Variants in SLC14A2 observed in about 807,000 individuals in gnomAD.
SLC14A2 encodes solute carrier family 14 member 2.
SLC14A2 carries 91 observed loss-of-function variants against 104.6 expected under a neutral mutation model. That is an observed-to-expected ratio of 0.87 (90% confidence interval 0.73 to 1.04). The LOEUF is 1.04. Among genes scored for constraint, SLC14A2 ranks in the 50% least tolerant of loss-of-function variants. SLC14A2 has a pLI of 0.00. For synonymous variants in SLC14A2, 476 were observed against 466.4 expected (o/e 1.02, Z -0.27); for missense variants, 1,189 against 1,156.0 (o/e 1.03, Z -0.41).
chr18:45,360,131 T>C (rs1193613716), intron 1 of SLC14A2, among the ~76,000 whole-genome samples: 1 of 152,146 alleles, frequency 6.6e-6, no homozygotes, highest in African/African-American at 2.4e-5. Context: ...CTCTGATTGG[T>C]TTTTTATTTC....
At chr18:45,574,016 T>C (rs2044385257) in intron 2 of SLC14A2, among the ~76,000 whole-genome samples, 1 of 152,216 alleles carries the variant, frequency 6.6e-6, no homozygotes. Flanking sequence ...ACAGTGTCAA[T>C]TACTAGTCAT....
chr18:45,505,004 C>T (rs1451105958), intron 2 of SLC14A2, among the ~76,000 whole-genome samples: 1 of 152,122 alleles, frequency 6.6e-6, no homozygotes, highest in Non-Finnish European at 1.5e-5. Flanking sequence ...TCATTGCTGC[C>T]TTTGTTGGTT....
chr18:45,231,073 C>T (rs559153331), intron 1 of SLC14A2, among the ~76,000 whole-genome samples: 1 of 152,158 alleles, frequency 6.6e-6, no homozygotes, highest in Non-Finnish European at 1.5e-5. Flanking sequence ...AATAGAAGGG[C>T]ATTACTATCC....
At chr18:45,597,618 T>C (rs1261213113) in intron 2 of SLC14A2, among the ~76,000 whole-genome samples, 3 of 152,124 alleles carry the variant, frequency 2.0e-5, no homozygotes, top group African/African-American at 7.2e-5. Context: ...CAGTAGGACA[T>C]GGAAGGACTT....
intron 2 of SLC14A2, among the ~76,000 whole-genome samples, chr18:45,520,676 G>A (rs2043504936): frequency 6.6e-6 from 1 of 152,132 alleles, no homozygotes; most frequent in Non-Finnish European, 1.5e-5. Flanking sequence ...TGGTGTCCTG[G>A]AAAGAGCATG....
At chr18:45,625,461 G>A (rs2144505240) in intron 2 of SLC14A2, among the ~76,000 whole-genome samples, 1 of 152,298 alleles carries the variant, frequency 6.6e-6, no homozygotes, top group African/African-American at 2.4e-5. Flanking sequence ...GAGATCCATG[G>A]CACAAAGGTG....
chr18:45,377,827 C>G (rs2085791328), intron 1 of SLC14A2, among the ~76,000 whole-genome samples: 1 of 152,102 alleles, frequency 6.6e-6, no homozygotes, highest in Admixed American at 6.6e-5. Context: ...TAAAATGAAC[C>G]CTTGGTCTGG....
chr18:45,590,454 T>TCAAA (rs2044632391), intron 2 of SLC14A2, among the ~76,000 whole-genome samples: 1 of 152,344 alleles, frequency 6.6e-6, no homozygotes, highest in South Asian at 2.1e-4. Context: ...ATGTTTATTT[T>TCAAA]CAAACAGAAC....
intron 2 of SLC14A2, among the ~76,000 whole-genome samples, chr18:45,569,047 C>T (rs2044308287): frequency 6.6e-6 from 1 of 152,166 alleles, no homozygotes; most frequent in Non-Finnish European, 1.5e-5. Flanking sequence ...GCCCACCTCT[C>T]CCATTTCTCC....
At chr18:45,207,593 C>T in the SLC14A2 span, among the ~76,000 whole-genome samples, 1 of 152,098 alleles carries the variant, frequency 6.6e-6, no homozygotes, top group Non-Finnish European at 1.5e-5. Flanking sequence ...AGTCATAATA[C>T]TTAACTGGGT....
At chr18:45,416,609 G>GTTGTTA (rs2086280692) in intron 1 of SLC14A2, among the ~76,000 whole-genome samples, 1 of 152,034 alleles carries the variant, frequency 6.6e-6, no homozygotes, top group Non-Finnish European at 1.5e-5. Context: ...TATGATCATT[G>GTTGTTA]TTGTTATTGT....
chr18:45,258,893 C>T (rs2084507012), intron 1 of SLC14A2, among the ~76,000 whole-genome samples: 1 of 152,206 alleles, frequency 6.6e-6, no homozygotes, highest in African/African-American at 2.4e-5. Flanking sequence ...AATGTAGTTT[C>T]TTCAAATCCA....
chr18:45,528,015 G>C (rs1214198430), intron 2 of SLC14A2: 2 of 152,090 alleles, frequency 1.3e-5, no homozygotes, highest in African/African-American at 4.8e-5. Context: ...TGCCCATAGG[G>C]CCACCATTAG....
chr18:45,243,345 C>T lies in SLC14A2; in HGVS notation c.-125+30154C>T, dbSNP rs2084336481. Reference sequence around the variant, plus strand: ...TAACAATAGTCTTCTCAGCCATTTTCATGACCATTTTACAGATAAAGAAGC... The same window carrying T: ...TAACAATAGTCTTCTCAGCCATTTTTATGACCATTTTACAGATAAAGAAGC... On this transcript the variant is annotated intron_variant, in intron 1 of 20. Transcript: ENST00000586448. 2.0e-5 allele frequency among the ~76,000 whole-genome samples: 3 copies of T among 152,180 alleles called. 1 individual carries two copies. The highest frequency in any genetic ancestry group is 2.0e-4 in the Admixed American group (3 of 15,280).
chr18:45,558,592 T>A (rs768901891), intron 2 of SLC14A2, among the ~76,000 whole-genome samples: 3 of 152,180 alleles, frequency 2.0e-5, no homozygotes, highest in African/African-American at 7.2e-5. Context: ...GAAATAATCA[T>A]GAGTTTTAGT....
In SLC14A2 at chr18:45,650,382, T is replaced by C. The variant is rs535888882; in HGVS notation, c.1351+6222T>C. Among the ~76,000 whole-genome samples, 6 of 152,256 alleles carry C rather than the reference T, an allele frequency of 3.9e-5. No individual in the cohort carries two copies. The South Asian group carries it at 1.2e-3, about 32-fold the overall frequency. On this transcript the variant is annotated intron_variant, in intron 10 of 19. Transcript: ENST00000255226. The stretch of plus-strand genomic sequence containing the variant: ...GAAATCAGATGCAGCTTCTCACAAC[T>C]CCTGGCCCCAAGCTTCTGCCCATTC...
intron 1 of SLC14A2, among the ~76,000 whole-genome samples, chr18:45,390,337 C>T (rs1015153261): frequency 6.6e-6 from 1 of 152,112 alleles, no homozygotes; most frequent in African/African-American, 2.4e-5. Flanking sequence ...ATCACTTCCT[C>T]AGTGCTTGTA....
At chr18:45,352,093 G>A (rs193009731) in intron 1 of SLC14A2, among the ~76,000 whole-genome samples, 26 of 152,132 alleles carry the variant, frequency 1.7e-4, no homozygotes, top group South Asian at 4.2e-4. Flanking sequence ...CACTGGACAG[G>A]GCATGGGACT....
intron 1 of SLC14A2, among the ~76,000 whole-genome samples, chr18:45,467,982 C>T (rs957817525): frequency 6.6e-6 from 1 of 152,082 alleles, no homozygotes; most frequent in African/African-American, 2.4e-5. Context: ...TCAGCACAGC[C>T]ACCTGCCTGT....
Sources: gnomAD v4.1 joint callset for allele counts (sites outside exome capture counted in the v4.1 genomes callset) on GRCh38, gnomAD v4.1.1 for gene constraint, MANE v1.5 for transcripts, NCBI Gene and HGNC (gene_info 2026-07-23, HGNC 2026-07-21) for gene names.